The following SOAT2 variants were observed in gnomAD, a reference collection of about 807,000 sequenced individuals.
The protein encoded by SOAT2 is ACAT-2.
Under a neutral mutation model 76.0 loss-of-function variants are expected in SOAT2, and 87 were observed. The observed-to-expected ratio is 1.14, with a 90% CI of 0.96 to 1.37. The LOEUF (loss-of-function observed/expected upper bound fraction) is 1.37. Ranked by LOEUF, SOAT2 falls within the 40% of genes most tolerant of loss-of-function variation. The probability of loss-of-function intolerance (pLI) is 0.00; values close to 1 mark genes in which losing one functional copy is unlikely to be tolerated. For missense variants in SOAT2, 686 were observed against 682.1 expected, an observed-to-expected ratio of 1.01 and a Z score of -0.06; for synonymous variants, 285 against 275.4, an observed-to-expected ratio of 1.03 and a Z score of -0.34.
chr12:53,115,285 C>A, intron 5 of SOAT2, 105 bp from the exon 6 acceptor site: 1 of 1,348,878 alleles, frequency 7.4e-7, no homozygotes, highest in Non-Finnish European at 1.0e-6. Context: ...GAGCTCACAA[C>A]CTGATCAAGA....
chr12:53,104,895 C>T (rs966597827), intron 2 of SOAT2, among the ~76,000 whole-genome samples: 13 of 151,796 alleles, frequency 8.6e-5, no homozygotes, highest in Non-Finnish European at 1.8e-4. Context: ...GGTCCTACCC[C>T]ACCAGCAGAC....
chr12:53,113,209 T>C (rs11170422), intron 5 of SOAT2, among the ~76,000 whole-genome samples: 28,430 of 152,074 alleles, frequency 0.19, 3,402 homozygotes, highest in African/African-American at 0.35. Context: ...AAAACCTGAT[T>C]GCAACCAAAA....
chr12:53,117,926 T>C (rs1938131223), intron 7 of SOAT2, among the ~76,000 whole-genome samples: 2 of 152,168 alleles, frequency 1.3e-5, no homozygotes, highest in Non-Finnish European at 2.9e-5. Flanking sequence ...TTGGAAAAAG[T>C]GGCACTGATA....
At chr12:53,107,833 G>A (rs1434326805) in intron 5 of SOAT2, among the ~76,000 whole-genome samples, 3 of 152,012 alleles carry the variant, frequency 2.0e-5, no homozygotes, top group Non-Finnish European at 4.4e-5. Flanking sequence ...GTGTTGGCCA[G>A]GCTGGTCTCG....
chr12:53,116,765 G>A (rs779435132), intron 7 of SOAT2, among the ~76,000 whole-genome samples: 9 of 151,546 alleles, frequency 5.9e-5, no homozygotes, highest in Non-Finnish European at 1.2e-4. Context: ...CTGTGTGGAA[G>A]GCTGAGGTGA....
intron 4 of SOAT2, 61 bp downstream of exon 4, chr12:53,105,681 G>A: frequency 6.8e-7 from 1 of 1,472,546 alleles, no homozygotes; most frequent in Non-Finnish European, 9.4e-7. Context: ...AGGGGTCAAG[G>A]TACCTCATTT....
At chr12:53,112,779 CTTTTTTTTTTT>C (rs71095978) in intron 5 of SOAT2, among the ~76,000 whole-genome samples, 1 of 125,734 alleles carries the variant, frequency 8.0e-6, no homozygotes, top group Non-Finnish European at 1.6e-5. Context: ...TTTTTCTTTC[CTTTTTTTTTTT>C]TTTTTTTTAA....
chr12:53,109,141 G>A (rs1043634357), intron 5 of SOAT2, among the ~76,000 whole-genome samples: 1 of 152,164 alleles, frequency 6.6e-6, no homozygotes, highest in Admixed American at 6.5e-5. Context: ...AGAGACTCAG[G>A]CAGAAGAATC....
chr12:53,115,354 CACTTGTCT>C, intron 5 of SOAT2, 28 bp from the exon 6 acceptor site: 2 of 1,549,442 alleles, frequency 1.3e-6, no homozygotes, highest in South Asian at 2.4e-5. Flanking sequence ...GAATGGGCTT[CACTTGTCT>C]ACTTTGTCTC....
At position 53,123,756 on chromosome 12, in the gene SOAT2, G is replaced by C; in HGVS notation, c.1401G>C (p.Gln467His). ...GGMLNFMMHD[Q>H]RTGPAWNVLM... ...TGTTGAACTTCATGATGCATGACCA[G>C]CGCACCGGCCCGGCATGGAACGTGC... is the stretch of plus-strand genomic sequence containing the variant. The change falls in exon 14 of 15, where the codon CAG (glutamine) becomes CAC (histidine). Residue 467 changes from glutamine to histidine, a missense_variant. Gln to His is a conservative substitution (Grantham distance 24). Coordinates refer to ENST00000301466, the MANE Select transcript of SOAT2 (RefSeq NM_003578.4). The C allele has an allele frequency of 6.2e-7, 1 of 1,614,136 alleles. No individual in the cohort carries two copies. The highest frequency in any genetic ancestry group is 8.5e-7 in the Non-Finnish European group (1 of 1,180,022).
chr12:53,123,766 C>G lies in SOAT2; in HGVS notation c.1411C>G (p.Pro471Ala). The G allele has an allele frequency of 6.2e-7, 1 of 1,614,140 alleles. No homozygotes were observed. The highest frequency in any genetic ancestry group is 8.5e-7 in the Non-Finnish European group (1 of 1,180,024). ...NFMMHDQRTG[P>A]AWNVLMWTML... Reference sequence around the variant, plus strand: ...CATGATGCATGACCAGCGCACCGGCCCGGCATGGAACGTGCTGATGTGGAC... The same window carrying G: ...CATGATGCATGACCAGCGCACCGGCGCGGCATGGAACGTGCTGATGTGGAC... The change falls in exon 14 of 15, where the codon CCG (proline) becomes GCG (alanine). Residue 471 changes from proline (P) to alanine (A), a missense_variant. By Grantham distance (27) the Pro-to-Ala change is conservative. Coordinates refer to ENST00000301466, the MANE Select transcript of SOAT2 (RefSeq NM_003578.4).
At chr12:53,107,255 G>A (rs750237084) in intron 5 of SOAT2, among the ~76,000 whole-genome samples, 5 of 152,146 alleles carry the variant, frequency 3.3e-5, no homozygotes, top group African/African-American at 1.2e-4. Flanking sequence ...TCGTTATGGG[G>A]CACCAAAAGC....
intron 10 of SOAT2, 85 bp from the exon 11 acceptor site, chr12:53,120,700 CA>C: frequency 2.3e-6 from 2 of 867,954 alleles, no homozygotes; most frequent in Non-Finnish European, 3.9e-6. Flanking sequence ...GGTTTCTGGG[CA>C]GGGGCTCCTC....
intron 11 of SOAT2, 70 bp downstream of exon 11, chr12:53,120,953 G>A: frequency 8.4e-6 from 10 of 1,195,850 alleles, no homozygotes; most frequent in Non-Finnish European, 1.3e-5. Flanking sequence ...GGGGAAGATG[G>A]TAGCCAGGTT....
At chr12:53,112,956 T>C (rs1274020028) in intron 5 of SOAT2, among the ~76,000 whole-genome samples, 3 of 148,644 alleles carry the variant, frequency 2.0e-5, no homozygotes, top group African/African-American at 5.0e-5. Context: ...ATTTTTTTAG[T>C]AGAGATGGGG....
At chr12:53,114,166 T>C (rs949031747) in intron 5 of SOAT2, among the ~76,000 whole-genome samples, 2 of 152,070 alleles carry the variant, frequency 1.3e-5, no homozygotes, top group African/African-American at 2.4e-5. Context: ...CCTCTCCCTA[T>C]GTTGGGCTTG....
chr12:53,103,547 G>T lies in SOAT2; in HGVS notation c.-31G>T. ...CGAAGGAAGGAGGCAACACGGGCAA[G>T]GGCTGCCTGCTGCCCGCTGGAGACC... On this transcript the variant is annotated 5_prime_UTR_variant, in exon 1 of 15. It adds an upstream start codon to the 5' untranslated region. Coordinates refer to ENST00000301466, the MANE Select transcript of SOAT2 (RefSeq NM_003578.4). 6.5e-7 allele frequency: 1 copy of T among 1,539,994 alleles called. No individual in the cohort carries two copies.
intron 7 of SOAT2, among the ~76,000 whole-genome samples, chr12:53,116,548 C>A (rs553739024): frequency 6.6e-6 from 1 of 152,260 alleles, no homozygotes; most frequent in African/African-American, 2.4e-5. Context: ...GCTGCATTAG[C>A]CCTTAACAAG....
chr12:53,106,080 C>T, intron 5 of SOAT2, 66 bp downstream of exon 5: 1 of 1,136,902 alleles, frequency 8.8e-7, no homozygotes, highest in South Asian at 1.3e-5. Context: ...CCTCAGTGCC[C>T]CACCTGCCCT....
Sources: allele counts gnomAD v4.1 joint callset (sites outside exome capture counted in the v4.1 genomes callset), GRCh38; gene constraint gnomAD v4.1.1; transcripts MANE v1.5; gene names NCBI Gene and HGNC (gene_info 2026-07-23, HGNC 2026-07-21).